Variants in NCKAP5 observed in about 807,000 individuals in gnomAD.
NCKAP5 encodes the protein nck-associated protein 5.
NCKAP5 carries 92 observed loss-of-function variants against 167.0 expected under a neutral mutation model. The ratio of observed to expected loss-of-function variants is 0.55; its 90% confidence interval spans 0.47 to 0.66. The LOEUF (loss-of-function observed/expected upper bound fraction) is 0.66. Among genes scored for constraint, NCKAP5 ranks in the 30% least tolerant of loss-of-function variants. The pLI, the probability that NCKAP5 is intolerant of heterozygous loss-of-function variation, is 0.00. For synonymous variants in NCKAP5, 891 were observed against 877.4 expected (o/e 1.02, Z -0.27); for missense variants, 2,378 against 2,315.0 (o/e 1.03, Z -0.56).
chr2:133,555,229 T>C (rs1487864989), intron 2 of NCKAP5, among the ~76,000 whole-genome samples: 1 of 152,208 alleles, frequency 6.6e-6, no homozygotes, highest in Non-Finnish European at 1.5e-5. Context: ...ACATATTATC[T>C]CTTTTTATGA....
At chr2:132,883,007 A>G (rs1011580267) in intron 8 of NCKAP5, among the ~76,000 whole-genome samples, 1 of 152,052 alleles carries the variant, frequency 6.6e-6, no homozygotes, top group Non-Finnish European at 1.5e-5. Context: ...GGCCTGGGCG[A>G]CATAGTGAGA....
At chr2:133,670,953 C>T in the NCKAP5 span, among the ~76,000 whole-genome samples, 34 of 152,248 alleles carry the variant, frequency 2.2e-4, no homozygotes, top group East Asian at 5.4e-3. Context: ...CAGTGGCTCA[C>T]GCCTGTAATC....
chr2:133,566,226 TTC>T (rs150691962), intron 1 of NCKAP5, among the ~76,000 whole-genome samples: 75,811 of 151,708 alleles, frequency 0.5, 19,621 homozygotes, highest in South Asian at 0.6. Context: ...GAAGAGAAGG[TTC>T]CACTGGAGAG....
At chr2:133,663,315 C>T in the NCKAP5 span, among the ~76,000 whole-genome samples, 1 of 151,118 alleles carries the variant, frequency 6.6e-6, no homozygotes, top group Non-Finnish European at 1.5e-5. Flanking sequence ...GCTGTCAGCA[C>T]GTTGTAATCT....
intron 16 of NCKAP5, among the ~76,000 whole-genome samples, 153 bp downstream of exon 16, chr2:132,773,663 T>C (rs1454545945): frequency 1.3e-5 from 2 of 152,200 alleles, no homozygotes; most frequent in Non-Finnish European, 2.9e-5. Flanking sequence ...TATGGTAACG[T>C]CCAATGTCTA....
chr2:132,781,295 C>G, intron 14 of NCKAP5, 66 bp from the exon 15 acceptor site: 2 of 1,468,284 alleles, frequency 1.4e-6, no homozygotes, highest in Non-Finnish European at 9.2e-7. Flanking sequence ...CTCCTTTTCC[C>G]AATCTTTTTA....
At chr2:133,145,357 G>A (rs1278070831) in intron 5 of NCKAP5, among the ~76,000 whole-genome samples, 1 of 152,062 alleles carries the variant, frequency 6.6e-6, no homozygotes, top group Non-Finnish European at 1.5e-5. Flanking sequence ...GGGGTTAAGA[G>A]GAGGGAGAGC....
At chr2:133,019,279 G>T (rs2078445737) in intron 6 of NCKAP5, among the ~76,000 whole-genome samples, 1 of 152,136 alleles carries the variant, frequency 6.6e-6, no homozygotes, top group Non-Finnish European at 1.5e-5. Context: ...ACTCACTGGG[G>T]AGTTTATCAG....
intron 6 of NCKAP5, among the ~76,000 whole-genome samples, chr2:133,064,119 G>C (rs2080106535): frequency 6.6e-6 from 1 of 152,168 alleles, no homozygotes; most frequent in Non-Finnish European, 1.5e-5. Context: ...AGAAAATTCT[G>C]ACATGATCAA....
intron 4 of NCKAP5, among the ~76,000 whole-genome samples, chr2:133,214,027 G>A (rs1272950560): frequency 2.0e-5 from 3 of 152,244 alleles, no homozygotes; most frequent in Middle Eastern, 3.4e-3. Flanking sequence ...TAGATGCTTT[G>A]CTTTTAGTTC....
chr2:133,087,873 C>T (rs2081044235), intron 6 of NCKAP5, among the ~76,000 whole-genome samples: 1 of 152,154 alleles, frequency 6.6e-6, no homozygotes, highest in African/African-American at 2.4e-5. Context: ...TACTCTGTTG[C>T]AGGCACTGTG....
At chr2:132,819,112 G>A (rs2105308838) in intron 11 of NCKAP5, among the ~76,000 whole-genome samples, 1 of 152,144 alleles carries the variant, frequency 6.6e-6, no homozygotes, top group Non-Finnish European at 1.5e-5. Flanking sequence ...AATGGTCTAT[G>A]GTTAAAAATT....
intron 3 of NCKAP5, among the ~76,000 whole-genome samples, chr2:133,337,365 C>T (rs546859812): frequency 6.6e-6 from 1 of 152,110 alleles, no homozygotes; most frequent in Non-Finnish European, 1.5e-5. Flanking sequence ...GAAGTAAGTA[C>T]CAAGCTTGTG....
In NCKAP5 at chr2:132,782,786, G is replaced by A. The variant is rs765218100; in HGVS notation, c.4025C>T (p.Ser1342Leu). Residue 1342 changes from serine (S) to leucine (L), a missense_variant, in exon 14 of 20, where the codon TCG becomes TTG. Coordinates refer to ENST00000409261, the MANE Select transcript of NCKAP5 (RefSeq NM_207363.3). ...GCCCTTCCCGGAGGAGGGGTGCCCC[G>A]AGGGCCTCCCAACACTGGGGAGACT... ...LESLPSVGRP[S>L]GHPSSGKGSL... The A allele has an allele frequency of 1.5e-5, 24 of 1,613,724 alleles. No homozygotes were observed. In the Admixed American group the frequency reaches 1.8e-4, roughly 12 times the overall value.
chr2:132,825,207 T>C (rs1409732814), intron 11 of NCKAP5, among the ~76,000 whole-genome samples: 1 of 152,044 alleles, frequency 6.6e-6, no homozygotes, highest in Admixed American at 6.5e-5. Context: ...CGACAAATAA[T>C]CTCCCTCTCC....
At position 132,672,722 on chromosome 2, in the gene NCKAP5, TATA is replaced by T. The variant is rs138414872; in HGVS notation, c.*564_*566del. ...TATTGCTGTCTTTTTTTGCTACAAATATAATTTCTCTTCCAAAAAATTTACAAC... is the reference window on the plus strand; with the variant it reads ...TATTGCTGTCTTTTTTTGCTACAAATATTTCTCTTCCAAAAAATTTACAAC... On this transcript the variant is annotated 3_prime_UTR_variant, in exon 20 of 20. Coordinates refer to ENST00000409261, the MANE Select transcript of NCKAP5 (RefSeq NM_207363.3). 0.012 allele frequency: 1,851 copies of T among 154,158 alleles called. 19 individuals are homozygous for T. Among genetic ancestry groups the T allele is most frequent in the Non-Finnish European group, 0.019 (1,310 of 69,298 alleles). The allele number at this position is 154,158 out of a possible 1,614,324, so 9.5% of individuals were successfully genotyped here.
the NCKAP5 span, among the ~76,000 whole-genome samples, chr2:133,661,797 C>G: frequency 6.6e-6 from 1 of 152,172 alleles, no homozygotes; most frequent in Non-Finnish European, 1.5e-5. Context: ...ATCTAGAATC[C>G]TCCTTGCTTT....
At chr2:132,745,934 C>G (rs1679600768) in intron 16 of NCKAP5, among the ~76,000 whole-genome samples, 1 of 151,966 alleles carries the variant, frequency 6.6e-6, no homozygotes, top group Non-Finnish European at 1.5e-5. Flanking sequence ...AGAATACTGA[C>G]ATAAATGGAG....
chr2:133,168,819 A>T (rs2084115627), intron 5 of NCKAP5, among the ~76,000 whole-genome samples: 1 of 152,172 alleles, frequency 6.6e-6, no homozygotes, highest in East Asian at 1.9e-4. Flanking sequence ...CACAGATTTC[A>T]GAGCCAGGAG....
Sources: gnomAD v4.1 joint callset for allele counts (sites outside exome capture counted in the v4.1 genomes callset) on GRCh38, gnomAD v4.1.1 for gene constraint, MANE v1.5 for transcripts, NCBI Gene and HGNC (gene_info 2026-07-23, HGNC 2026-07-21) for gene names.